Variants in LYRM7 observed in about 807,000 individuals in gnomAD.
LYRM7 encodes complex III assembly factor LYRM7.
A neutral mutation model predicts 15.8 loss-of-function variants in LYRM7; 9 were observed. The observed-to-expected ratio is 0.57, with a 90% CI of 0.34 to 0.99. The LOEUF (loss-of-function observed/expected upper bound fraction) is 0.99, where lower values mean the gene tolerates loss of function less well. LYRM7 is among the 50% of genes least tolerant of loss of function. The pLI, the probability that LYRM7 is intolerant of heterozygous loss-of-function variation, is 0.02. For missense variants in LYRM7, 115 were observed against 119.1 expected (o/e 0.97, Z 0.16); for synonymous variants, 39 against 39.4 (o/e 0.99, Z 0.04).
At chr5:131,181,346 ATGT>A (rs1227030660) in intron 2 of LYRM7, among the ~76,000 whole-genome samples, 3,571 of 64,832 alleles carry the variant, frequency 0.055, 515 homozygotes, top group African/African-American at 0.21. Flanking sequence ...TATAACATAT[ATGT>A]TATATATATA....
In LYRM7 at chr5:131,182,264, A is replaced by G; in HGVS notation, c.127A>G (p.Asn43Asp). The G allele has an allele frequency of 7.0e-7, 1 of 1,435,998 alleles. No homozygotes were observed. Among genetic ancestry groups the G allele is most frequent in the Non-Finnish European group, 9.5e-7 (1 of 1,057,822 alleles). The allele number at this position is 1,435,998 out of a possible 1,614,324, so 89.0% of individuals were successfully genotyped here. A position where few individuals can be genotyped will look rare whatever the true frequency, so the allele number is the denominator to read the frequency against. ...RIKINEEFKN[N>D]KSETSSKKIE... Reference sequence around the variant, plus strand: ...AAAGATAAATGAAGAATTCAAAAATAATAAAAGTGAAACTTCTTCTAAGAA... The same window carrying G: ...AAAGATAAATGAAGAATTCAAAAATGATAAAAGTGAAACTTCTTCTAAGAA... The change falls in exon 3 of 5, where the codon AAT becomes GAT. Residue 43 changes from asparagine (N) to aspartate (D), a missense_variant. Coordinates refer to ENST00000379380, the MANE Select transcript of LYRM7 (RefSeq NM_181705.4).
chr5:131,181,394 ATAT>A (rs1442833352), intron 2 of LYRM7, among the ~76,000 whole-genome samples: 3 of 99,322 alleles, frequency 3.0e-5, no homozygotes, highest in African/African-American at 1.2e-4. Context: ...ATATACATAT[ATAT>A]TATATATACA....
chr5:131,193,096 C>T (rs879001144), intron 4 of LYRM7, among the ~76,000 whole-genome samples: 2 of 152,042 alleles, frequency 1.3e-5, no homozygotes, highest in Admixed American at 1.3e-4. Context: ...TACTTCTAAA[C>T]GAACGATACA....
intron 1 of LYRM7, among the ~76,000 whole-genome samples, chr5:131,176,424 A>G (rs186913243): frequency 6.6e-6 from 1 of 151,480 alleles, no homozygotes; most frequent in Admixed American, 6.6e-5. Flanking sequence ...TAGCCATTCT[A>G]CTGGGATGAA....
At chr5:131,171,535 G>A (rs1487468970) in intron 1 of LYRM7, 3 of 153,096 alleles carry the variant, frequency 2.0e-5, no homozygotes, top group Non-Finnish European at 4.4e-5. Flanking sequence ...AGGGACTGGT[G>A]AGACCTGAGC....
intron 1 of LYRM7, 38 bp downstream of exon 1, chr5:131,171,076 G>A: frequency 6.7e-7 from 1 of 1,503,516 alleles, no homozygotes; most frequent in African/African-American, 1.5e-5. Context: ...CGATGCCGTC[G>A]GGGAGGGTAT....
intron 2 of LYRM7, among the ~76,000 whole-genome samples, chr5:131,181,384 AT>A (rs1561544397): frequency 0.019 from 1,868 of 99,936 alleles, 132 homozygotes; most frequent in African/African-American, 0.1. Flanking sequence ...TATATATAAT[AT>A]ATACATATAT....
In LYRM7 at chr5:131,192,811, A is replaced by G. The variant is rs183447009; in HGVS notation, c.244+5702A>G. Among the ~76,000 whole-genome samples, 250 of 152,288 alleles carry G rather than the reference A, an allele frequency of 1.6e-3. 1 individual carries two copies. Among genetic ancestry groups the G allele is most frequent in the Non-Finnish European group, 2.9e-3 (198 of 68,020 alleles). On this transcript the variant is annotated intron_variant, in intron 4 of 4. Coordinates refer to ENST00000379380, the MANE Select transcript of LYRM7 (RefSeq NM_181705.4). ...TGGTCTAGCATAGCCTTTAACTATG[A>G]GTTAGAAAAATACTCAGGTTATTCA...
chr5:131,181,384 ATATACATATATATT>A (rs1561544404), intron 2 of LYRM7, among the ~76,000 whole-genome samples: 5 of 100,124 alleles, frequency 5.0e-5, no homozygotes, highest in Admixed American at 2.4e-4. Flanking sequence ...TATATATAAT[ATATACATATATATT>A]ATATATACAT....
At chr5:131,177,506 T>G (rs1271528105) in intron 1 of LYRM7, among the ~76,000 whole-genome samples, 1 of 152,254 alleles carries the variant, frequency 6.6e-6, no homozygotes, top group Non-Finnish European at 1.5e-5. Context: ...ATCTATGGTG[T>G]TCTAAAGCAG....
At chr5:131,198,360 G>A (rs1756003864) in intron 4 of LYRM7, among the ~76,000 whole-genome samples, 1 of 152,132 alleles carries the variant, frequency 6.6e-6, no homozygotes, top group Admixed American at 6.5e-5. Flanking sequence ...ATCACACATT[G>A]CATGTAGTCA....
rs888265317 is a variant in LYRM7 at position 131,200,478 on chromosome 5, A to G, written c.*877A>G. 6.6e-6 allele frequency: 1 copy of G among 152,372 alleles called. No individual in the cohort carries two copies. The highest frequency in any genetic ancestry group is 6.5e-5 in the Admixed American group (1 of 15,280). 9.4% of individuals were successfully genotyped at this position (152,372 alleles called of 1,614,324 possible). On this transcript the variant is annotated 3_prime_UTR_variant, in exon 5 of 5. Transcript: ENST00000379380. ...GGCATTCTACCATCTAACACTAGGA[A>G]CTGTAAAATACTGTTTAATATTCTT...
chr5:131,193,416 G>A (rs991316904), intron 4 of LYRM7, among the ~76,000 whole-genome samples: 5 of 152,230 alleles, frequency 3.3e-5, no homozygotes, highest in Admixed American at 6.5e-5. Flanking sequence ...CATAAGCAGA[G>A]CTACAGATCC....
At chr5:131,178,964 A>G (rs1233412375) in intron 1 of LYRM7, among the ~76,000 whole-genome samples, 1 of 148,162 alleles carries the variant, frequency 6.7e-6, no homozygotes, top group East Asian at 1.9e-4. Flanking sequence ...TCCGTCTCAA[A>G]AAAAAAAAAA....
Position 131,172,208 on chromosome 5 carries a change from G to A in LYRM7, c.18+1170G>A, listed in dbSNP as rs374064699. 2.6e-4 allele frequency among the ~76,000 whole-genome samples: 40 copies of A among 152,308 alleles called. 1 individual carries two copies. In the South Asian group the frequency reaches 8.1e-3, roughly 31 times the overall value. On this transcript the variant is annotated intron_variant, in intron 1 of 4. Transcript: ENST00000379380. ...GCGAGAGGATCACATGAGGTCGAGA[G>A]TTCGAGACCAGCCTAGGCAACATGG...
intron 4 of LYRM7, among the ~76,000 whole-genome samples, chr5:131,189,772 C>G (rs1490689260): frequency 6.6e-6 from 1 of 152,090 alleles, no homozygotes; most frequent in Non-Finnish European, 1.5e-5. Flanking sequence ...ATAGATCTTC[C>G]TACCTGGTAG....
At chr5:131,180,227 CTG>C (rs1755669895) in intron 2 of LYRM7, 60 bp downstream of exon 2, 2 of 1,173,808 alleles carry the variant, frequency 1.7e-6, no homozygotes, top group South Asian at 2.5e-5. Context: ...ACTAATCTCT[CTG>C]AGAAACCCTG....
Position 131,202,552 on chromosome 5 carries a change from G to A in LYRM7, c.*2951G>A, listed in dbSNP as rs926898401. 3 of 152,908 alleles carry A rather than the reference G, an allele frequency of 2.0e-5. No homozygotes were observed. The highest frequency in any genetic ancestry group is 7.2e-5 in the African/African-American group (3 of 41,454). 9.5% of individuals were successfully genotyped at this position (152,908 alleles called of 1,614,324 possible). A position where few individuals can be genotyped will look rare whatever the true frequency, so the allele number is the denominator to read the frequency against. Reference sequence around the variant, plus strand: ...ATCTCACCATGTTGCCCAGGCTGGAGTGCAGTAGCTATTCATAGGCACAGT... The same window carrying A: ...ATCTCACCATGTTGCCCAGGCTGGAATGCAGTAGCTATTCATAGGCACAGT... On this transcript the variant is annotated 3_prime_UTR_variant, in exon 5 of 5. Coordinates refer to ENST00000379380, the MANE Select transcript of LYRM7 (RefSeq NM_181705.4).
At chr5:131,182,374 G>A in intron 3 of LYRM7, 75 bp downstream of exon 3, 2 of 1,199,304 alleles carry the variant, frequency 1.7e-6, no homozygotes, top group Non-Finnish European at 2.2e-6. Flanking sequence ...AGATAGAGGG[G>A]TTATGTAAAA....
Sources: allele counts gnomAD v4.1 joint callset (sites outside exome capture counted in the v4.1 genomes callset), GRCh38; gene constraint gnomAD v4.1.1; transcripts MANE v1.5; gene names NCBI Gene and HGNC (gene_info 2026-07-23, HGNC 2026-07-21).